Variants in CMYA5 observed in about 807,000 individuals in gnomAD.
The protein encoded by CMYA5 is cardiomyopathy-associated protein 5.
A neutral mutation model predicts 318.9 loss-of-function variants in CMYA5; 246 were observed. That is an observed-to-expected ratio of 0.77 (90% confidence interval 0.70 to 0.86). The LOEUF (loss-of-function observed/expected upper bound fraction) is 0.86, where lower values mean the gene tolerates loss of function less well. CMYA5 is among the 40% of genes least tolerant of loss of function. The pLI, the probability that CMYA5 is intolerant of heterozygous loss-of-function variation, is 0.00. For missense variants in CMYA5, 4,589 were observed against 4,678.2 expected (o/e 0.98, Z 0.56); for synonymous variants, 1,641 against 1,729.5 (o/e 0.95, Z 1.27).
At chr5:79,704,200 C>T (rs1827224027) in intron 1 of CMYA5, among the ~76,000 whole-genome samples, 1 of 148,844 alleles carries the variant, frequency 6.7e-6, no homozygotes, top group Non-Finnish European at 1.5e-5. Flanking sequence ...AAGATGGTGT[C>T]CAGGAAAAAA....
intron 1 of CMYA5, among the ~76,000 whole-genome samples, chr5:79,699,491 A>G (rs1827136025): frequency 6.6e-6 from 1 of 152,192 alleles, no homozygotes; most frequent in African/African-American, 2.4e-5. Context: ...AATTGAATCC[A>G]TTTTTGAATA....
At chr5:79,798,638 C>T (rs765948685) in intron 12 of CMYA5, among the ~76,000 whole-genome samples, 4 of 152,194 alleles carry the variant, frequency 2.6e-5, no homozygotes, top group African/African-American at 4.8e-5. Flanking sequence ...TTCCTTCCTG[C>T]TCCATACAGT....
chr5:79,750,329 G>T lies in CMYA5; in HGVS notation c.10992-2347G>T, dbSNP rs141147897. 2.0e-5 allele frequency among the ~76,000 whole-genome samples: 3 copies of T among 152,064 alleles called. No homozygotes were observed. The East Asian group carries it at 5.8e-4, about 29-fold the overall frequency. On this transcript the variant is annotated intron_variant, in intron 5 of 12. Coordinates refer to ENST00000446378, the MANE Select transcript of CMYA5 (RefSeq NM_153610.5). ...TTCTGAGGAATTTCTCTTTTCTTTAGCTTATTTGATTTTAAGAATACAGTA... is the reference window on the plus strand; with the variant it reads ...TTCTGAGGAATTTCTCTTTTCTTTATCTTATTTGATTTTAAGAATACAGTA...
chr5:79,784,720 G>A (rs2151099159), intron 9 of CMYA5, among the ~76,000 whole-genome samples: 1 of 141,776 alleles, frequency 7.1e-6, no homozygotes, highest in South Asian at 2.4e-4. Context: ...CTCGGAAAGG[G>A]AACTCCCTGA....
At chr5:79,713,057 A>G (rs972293681) in intron 1 of CMYA5, among the ~76,000 whole-genome samples, 9 of 152,272 alleles carry the variant, frequency 5.9e-5, no homozygotes, top group African/African-American at 1.7e-4. Context: ...GAACCTGAAC[A>G]TTCTCATCCT....
chr5:79,730,253 T>G lies in CMYA5; in HGVS notation c.1488T>G (p.Ser496=). Residue 496 remains serine (S), a synonymous_variant, in exon 2 of 13, where the codon TCT becomes TCG. Coordinates refer to ENST00000446378, the MANE Select transcript of CMYA5 (RefSeq NM_153610.5). The stretch of plus-strand genomic sequence containing the variant: ...TGCTTGAGCCATCCATTTCTCTTTC[T>G]GAACCTCTAATGTTAGAAGAACCAG... ...ENMLEPSISL[S]EPLMLEEPEK... 6.2e-7 allele frequency: 1 copy of G among 1,614,020 alleles called. No individual in the cohort carries two copies. The highest frequency in any genetic ancestry group is 8.5e-7 in the Non-Finnish European group (1 of 1,179,882).
chr5:79,704,016 C>G lies in CMYA5; in HGVS notation c.149+13960C>G, dbSNP rs1232454575. Among the ~76,000 whole-genome samples, 11 of 152,114 alleles carry G rather than the reference C, an allele frequency of 7.2e-5. No individual in the cohort carries two copies. In the East Asian group the frequency reaches 2.1e-3, roughly 30 times the overall value. On this transcript the variant is annotated intron_variant, in intron 1 of 12. Coordinates refer to ENST00000446378, the MANE Select transcript of CMYA5 (RefSeq NM_153610.5). The stretch of plus-strand genomic sequence containing the variant: ...CTGAGGTGGGAGGACGATTTGAACC[C>G]AGAGGTCAAGGCTGCCATGAGCTGC...
chr5:79,787,582 A>T, intron 9 of CMYA5, among the ~76,000 whole-genome samples: 1 of 152,190 alleles, frequency 6.6e-6, no homozygotes, highest in East Asian at 1.9e-4. Flanking sequence ...GTATCTAAGG[A>T]CAGTCCTCTC....
intron 9 of CMYA5, among the ~76,000 whole-genome samples, chr5:79,785,630 A>G (rs1048319837): frequency 6.6e-6 from 1 of 152,022 alleles, no homozygotes; most frequent in African/African-American, 2.4e-5. Context: ...ATATCTAGCC[A>G]TCTTACTGAA....
At position 79,729,559 on chromosome 5, in the gene CMYA5, C is replaced by T. The variant is rs780823706; in HGVS notation, c.794C>T (p.Ala265Val). 1 of 1,613,160 alleles carries T rather than the reference C, an allele frequency of 6.2e-7. No homozygotes were observed. Among genetic ancestry groups the T allele is most frequent in the South Asian group, 1.1e-5 (1 of 91,044 alleles). Residue 265 changes from alanine (A) to valine (V), a missense_variant, in exon 2 of 13, where the codon GCA (alanine) becomes GTA (valine). Around this residue, in one of 3 missense-constraint regions of CMYA5, gnomAD observed 2,132 missense variants for 2,131.3 expected, o/e 1.00. Coordinates refer to ENST00000446378, the MANE Select transcript of CMYA5 (RefSeq NM_153610.5). Reference protein sequence around the residue: ...KEIHYRKGKDASISLEPDLDN... With the variant: ...KEIHYRKGKDVSISLEPDLDN... ...ATACATTATAGGAAAGGGAAAGATG[C>T]ATCCATTAGTCTAGAGCCAGATTTG...
rs768972188 is a variant in CMYA5, at chr5:79,733,619, G to A, written c.4854G>A (p.Leu1618=). ...SEKQDVALAE[L]SLEPEKKDKP... ...AACAAGATGTTGCTTTGGCAGAGCT[G>A]TCTTTGGAACCTGAGAAGAAAGACA... The change falls in exon 2 of 13, where the codon CTG becomes CTA. Residue 1618 remains leucine, a synonymous_variant. Coordinates refer to ENST00000446378, the MANE Select transcript of CMYA5 (RefSeq NM_153610.5). The A allele has an allele frequency of 3.7e-6, 6 of 1,613,458 alleles. No individual in the cohort carries two copies. The highest frequency in any genetic ancestry group is 1.7e-5 in the Admixed American group (1 of 59,906).
intron 5 of CMYA5, among the ~76,000 whole-genome samples, chr5:79,749,653 A>G (rs150175355): frequency 3.5e-3 from 528 of 152,326 alleles, no homozygotes; most frequent in African/African-American, 0.012. Context: ...ATCATAAAAT[A>G]TACACAAATC....
Position 79,730,743 on chromosome 5 carries a change from A to G in CMYA5, c.1978A>G (p.Lys660Glu), listed in dbSNP as rs781139797. 16 of 1,613,942 alleles carry G rather than the reference A, an allele frequency of 9.9e-6. No homozygotes were observed. The highest frequency in any genetic ancestry group is 1.3e-5 in the Non-Finnish European group (15 of 1,179,872). ...ESSLSPSTTE[K>E]TSENQSPLFS... ...CTCTCTCTCACCATCCACAACTGAG[A>G]AGACTTCAGAGAACCAGTCTCCACT... Residue 660 changes from lysine to glutamate, a missense_variant, in exon 2 of 13, where the codon AAG (lysine) becomes GAG (glutamate). Around this residue, in one of 3 missense-constraint regions of CMYA5, gnomAD observed 2,132 missense variants for 2,131.3 expected, o/e 1.00. Coordinates refer to ENST00000446378, the MANE Select transcript of CMYA5 (RefSeq NM_153610.5).
chr5:79,700,890 C>T (rs533007900), intron 1 of CMYA5, among the ~76,000 whole-genome samples: 1 of 151,878 alleles, frequency 6.6e-6, no homozygotes, highest in Non-Finnish European at 1.5e-5. Context: ...TTGGTGGTTA[C>T]TACAGGCCAG....
intron 9 of CMYA5, among the ~76,000 whole-genome samples, chr5:79,768,003 T>G (rs561161070): frequency 1.3e-5 from 2 of 152,338 alleles, no homozygotes; most frequent in East Asian, 3.9e-4. Flanking sequence ...TGCATATATA[T>G]TTAGGATAGT....
At chr5:79,717,602 A>C (rs144195173) in intron 1 of CMYA5, among the ~76,000 whole-genome samples, 1 of 152,314 alleles carries the variant, frequency 6.6e-6, no homozygotes, top group African/African-American at 2.4e-5. Flanking sequence ...TGAAGAGTGA[A>C]GCCTATGTTT....
rs983540568 is a variant in CMYA5 at position 79,736,383 on chromosome 5, GA to G, written c.7623del (p.Glu2542LysfsTer21). On this transcript the variant is annotated frameshift_variant, in exon 2 of 13. Coordinates refer to ENST00000446378, the MANE Select transcript of CMYA5 (RefSeq NM_153610.5). LOFTEE classifies it high-confidence loss of function. ...IVGSEKEKGEEKENQVYVLSE... is the reference protein window; with the variant it reads ...IVGSEKEKGEXKENQVYVLSE... ...TGGTTCTGAAAAGGAGAAAGGTGAA[GA>G]AAAAGAAAATCAGGTATATGTGCTT... 8.1e-6 allele frequency: 13 copies of G among 1,612,238 alleles called. No individual in the cohort carries two copies. The highest frequency in any genetic ancestry group is 1.0e-5 in the Non-Finnish European group (12 of 1,179,100).
rs1299618314 is a variant in CMYA5 at position 79,730,223 on chromosome 5, A to G, written c.1458A>G (p.Glu486=). The change falls in exon 2 of 13, where the codon GAA becomes GAG. Residue 486 remains glutamate (E), a synonymous_variant. Transcript: ENST00000446378. ...THPSVKGEKE[E]NMLEPSISLS... The stretch of plus-strand genomic sequence containing the variant: ...CCAGTGTCAAAGGAGAGAAGGAGGA[A>G]AACATGCTTGAGCCATCCATTTCTC... 1 of 1,613,876 alleles carries G rather than the reference A, an allele frequency of 6.2e-7. No individual in the cohort carries two copies. The highest frequency in any genetic ancestry group is 8.5e-7 in the Non-Finnish European group (1 of 1,179,882).
chr5:79,773,332 T>C (rs1828887726), intron 9 of CMYA5, among the ~76,000 whole-genome samples: 1 of 152,312 alleles, frequency 6.6e-6, no homozygotes, highest in South Asian at 2.1e-4. Flanking sequence ...AAAAATAAAT[T>C]GTGCCAGCAA....
Sources: allele counts gnomAD v4.1 joint callset (sites outside exome capture counted in the v4.1 genomes callset), GRCh38; gene constraint gnomAD v4.1.1; regional missense constraint gnomAD v4.1.1; transcripts MANE v1.5; gene names NCBI Gene and HGNC (gene_info 2026-07-23, HGNC 2026-07-21).